MYO19: variants seen among roughly 807,000 people sequenced by gnomAD.
MYO19 encodes the protein unconventional myosin-XIX.
MYO19 carries 132 observed loss-of-function variants against 129.2 expected under a neutral mutation model. The ratio of observed to expected loss-of-function variants is 1.02; its 90% CI spans 0.89 to 1.18. MYO19 has a LOEUF of 1.18. MYO19 is among the 50% of genes most tolerant of loss of function. MYO19 has a pLI of 0.00. For synonymous variants in MYO19, 531 were observed against 477.2 expected (o/e 1.11, Z -1.47); for missense variants, 1,210 against 1,216.7 (o/e 0.99, Z 0.08).
intron 23 of MYO19, chr17:36,500,385 T>C (rs879698890): frequency 1.2e-5 from 2 of 160,322 alleles, no homozygotes; most frequent in Admixed American, 6.2e-5. Flanking sequence ...TTCCAACACT[T>C]TTCCTTTTCA....
chr17:36,538,326 T>C (rs747867365), upstream of MYO19: 4 of 1,613,950 alleles, frequency 2.5e-6, no homozygotes, highest in Non-Finnish European at 2.5e-6. Context: ...TCTAGTACCA[T>C]GTTCTTGGAA....
At chr17:36,504,912 CAAAAAAA>C (rs35146983) in intron 19 of MYO19, 5 of 188,412 alleles carry the variant, frequency 2.7e-5, no homozygotes, top group Admixed American at 6.2e-5. Flanking sequence ...GGCTCAGTCT[CAAAAAAA>C]AAAAAAAAAA....
chr17:36,513,753 G>C, intron 9 of MYO19, 28 bp from the exon 10 acceptor site: 1 of 1,601,188 alleles, frequency 6.2e-7, no homozygotes, highest in South Asian at 1.1e-5. Context: ...TGGGAGGCTG[G>C]GTAGGGGGTC....
chr17:36,527,923 G>A (rs1041668877), intron 4 of MYO19, 141 bp downstream of exon 4: 24 of 1,237,832 alleles, frequency 1.9e-5, no homozygotes, highest in South Asian at 1.2e-4. Flanking sequence ...GCTCCCTCAG[G>A]CGGAGGTCTG....
intron 20 of MYO19, 93 bp downstream of exon 20, chr17:36,503,857 T>G (rs1412838120): frequency 1.3e-5 from 14 of 1,058,088 alleles, no homozygotes; most frequent in Non-Finnish European, 1.3e-6. Flanking sequence ...CATTTCCACA[T>G]CTCACTCTGG....
At chr17:36,512,906 G>C in intron 11 of MYO19, 1 of 1,001,604 alleles carries the variant, frequency 1.0e-6, no homozygotes, top group Non-Finnish European at 1.3e-6. Context: ...AGGACGACGG[G>C]GCACGGGTTG....
At position 36,532,697 on chromosome 17, in the gene MYO19, G is replaced by A; in HGVS notation, c.-143-16C>T. On this transcript the variant is annotated splice_polypyrimidine_tract_variant and intron_variant, in intron 2 of 25. Transcript: ENST00000614623. ...ACTCCAGCGCCTGTGGCATGAGAGA[G>A]AAGACAAGGACCACACACAGGTGAG... is the stretch of plus-strand genomic sequence containing the variant. 1 of 847,138 alleles carries A rather than the reference G, an allele frequency of 1.2e-6. No individual in the cohort carries two copies. The highest frequency in any genetic ancestry group is 1.9e-6 in the Non-Finnish European group (1 of 524,936). The allele number at this position is 847,138 out of a possible 1,614,324, so 52.5% of individuals were successfully genotyped here. A position where few individuals can be genotyped will look rare whatever the true frequency, so the allele number is the denominator to read the frequency against.
upstream of MYO19, chr17:36,537,172 A>G (rs1238139633): frequency 6.2e-7 from 1 of 1,613,998 alleles, no homozygotes; most frequent in Non-Finnish European, 8.5e-7. Flanking sequence ...GAAATCACCC[A>G]GGGATTGTGC....
At chr17:36,506,342 C>T (rs2071882788) in intron 18 of MYO19, 114 bp downstream of exon 18, 2 of 1,335,122 alleles carry the variant, frequency 1.5e-6, no homozygotes, top group East Asian at 2.3e-5. Flanking sequence ...ACCACATCTA[C>T]TTGACTTGCC....
At position 36,513,723 on chromosome 17, in the gene MYO19, A is replaced by G. The variant is rs374838619; in HGVS notation, c.723T>C (p.Ile241=). ...TCTCGTCCTCACTGGCTCCTTTGCA[A>G]ATCTGTGGAGAAGGGTAGGTGGGAG... The part of the protein sequence containing the change: ...SERNFHIFYQ[I]CKGASEDERL... Residue 241 remains isoleucine, a splice_region_variant and synonymous_variant, in exon 10 of 26, where the codon ATT becomes ATC. Transcript: ENST00000614623. The G allele has an allele frequency of 1.2e-4, 198 of 1,613,092 alleles. No individual in the cohort carries two copies. The highest frequency in any genetic ancestry group is 1.5e-4 in the Non-Finnish European group (175 of 1,179,648).
chr17:36,530,085 G>A (rs2142434008), intron 3 of MYO19, among the ~76,000 whole-genome samples: 1 of 152,228 alleles, frequency 6.6e-6, no homozygotes, highest in South Asian at 2.1e-4. Flanking sequence ...TTTCCAGCTG[G>A]CCATAGTGGC....
At chr17:36,506,737 A>G (rs2071920499) in intron 17 of MYO19, 129 bp from the exon 18 acceptor site, 4 of 1,227,158 alleles carry the variant, frequency 3.3e-6, no homozygotes, top group East Asian at 2.6e-5. Context: ...GAGAAGGTCC[A>G]TTGGACAACC....
chr17:36,510,738 C>T lies in MYO19; in HGVS notation c.1157+8G>A, dbSNP rs1265898570. The T allele has an allele frequency of 6.3e-7, 1 of 1,588,662 alleles. No individual in the cohort carries two copies. Among genetic ancestry groups the T allele is most frequent in the African/African-American group, 1.3e-5 (1 of 74,428 alleles). The stretch of plus-strand genomic sequence containing the variant: ...CCTCCCCAACAAGGGGCCAGAGTAA[C>T]TGCTCACCGCGCATAGATCAGTTTG... On this transcript the variant is annotated splice_region_variant and intron_variant, in intron 13 of 25. Transcript: ENST00000614623.
intron 19 of MYO19, 49 bp from the exon 20 acceptor site, chr17:36,504,069 G>A: frequency 7.1e-7 from 1 of 1,410,070 alleles, no homozygotes; most frequent in South Asian, 1.3e-5. Flanking sequence ...GGGGCCAGCA[G>A]GCCAGAAATG....
In MYO19 at chr17:36,506,850, T is replaced by A. The variant is rs2071930809; in HGVS notation, c.1644+113A>T. ...GGCCCAAGATGGTGATTCTGGATTC[T>A]GGGAGGAGGTTCAGGAGAGAAAGGA... is the stretch of plus-strand genomic sequence containing the variant. On this transcript the variant is annotated intron_variant, in intron 17 of 25. Coordinates refer to ENST00000614623, the MANE Select transcript of MYO19 (RefSeq NM_001163735.2). 3.8e-6 allele frequency: 5 copies of A among 1,314,842 alleles called. No homozygotes were observed. The South Asian group carries it at 7.9e-5, about 21-fold the overall frequency. The allele number at this position is 1,314,842 out of a possible 1,614,324, so 81.4% of individuals were successfully genotyped here.
At chr17:36,525,448 T>A in intron 5 of MYO19, 107 bp from the exon 6 acceptor site, 1 of 823,500 alleles carries the variant, frequency 1.2e-6, no homozygotes, top group Non-Finnish European at 2.0e-6. Flanking sequence ...AGTGGTGGGA[T>A]GCTTCCTCCA....
At chr17:36,530,229 T>C (rs2142437803) in intron 3 of MYO19, among the ~76,000 whole-genome samples, 1 of 152,238 alleles carries the variant, frequency 6.6e-6, no homozygotes, top group African/African-American at 2.4e-5. Flanking sequence ...GGAGGGTTGC[T>C]TCAGCCCAGG....
chr17:36,506,419 T>C (rs142682309), intron 18 of MYO19, 37 bp downstream of exon 18: 7 of 1,194,930 alleles, frequency 5.9e-6, no homozygotes, highest in Non-Finnish European at 7.6e-6. Flanking sequence ...ACCGTGGAGT[T>C]TGAACCAAGC....
In MYO19 at chr17:36,498,489, CAG is replaced by C; in HGVS notation, c.2532_2533del (p.Cys845PhefsTer54). 1 of 1,614,084 alleles carries C rather than the reference CAG, an allele frequency of 6.2e-7. No individual in the cohort carries two copies. Among genetic ancestry groups the C allele is most frequent in the Non-Finnish European group, 8.5e-7 (1 of 1,179,910 alleles). ...CTGCAGCGGCGAGGTGCTCAGGGAACAGGGAGCTTGAGAGAAGTGTTTTTCTT... is the reference window on the plus strand; with the variant it reads ...CTGCAGCGGCGAGGTGCTCAGGGAACGGAGCTTGAGAGAAGTGTTTTTCTT... On this transcript the variant is annotated frameshift_variant, in exon 25 of 26. Coordinates refer to ENST00000614623, the MANE Select transcript of MYO19 (RefSeq NM_001163735.2). LOFTEE classifies it high-confidence loss of function.
Sources: gnomAD v4.1 joint callset for allele counts (sites outside exome capture counted in the v4.1 genomes callset) on GRCh38, gnomAD v4.1.1 for gene constraint, MANE v1.5 for transcripts, NCBI Gene and HGNC (gene_info 2026-07-23, HGNC 2026-07-21) for gene names.